Variants in OR2V1 observed in about 807,000 individuals in gnomAD.
OR2V1 encodes olfactory receptor 2V1.
Under a neutral mutation model 15.0 loss-of-function variants are expected in OR2V1, and 18 were observed. That is an observed-to-expected ratio of 1.20 (90% CI 0.83 to 1.78). The LOEUF (loss-of-function observed/expected upper bound fraction) is 1.78, where lower values mean the gene tolerates loss of function less well. OR2V1 is among the 40% of genes most tolerant of loss of function. OR2V1 has a pLI of 0.00. For synonymous variants in OR2V1, 144 were observed against 146.1 expected, an observed-to-expected ratio of 0.99 and a Z score of 0.10; for missense variants, 359 against 392.9, an observed-to-expected ratio of 0.91 and a Z score of 0.73.
rs1252933493 is a variant in OR2V1 at position 181,125,158 on chromosome 5, G to A, written c.147C>T (p.Leu49=). 2 of 1,614,008 alleles carry A rather than the reference G, an allele frequency of 1.2e-6. No homozygotes were observed. The highest frequency in any genetic ancestry group is 2.7e-5 in the African/African-American group (2 of 74,872). ...TGTGAAGTCCAGCGTCCAGGTAGAT[G>A]AGGAAGATGAGGAGGACATTCCCAC... ...ALCGNVLLIF[L]IYLDAGLHTP... is the part of the protein sequence containing the mutation. The change falls in exon 4 of 4, where the codon CTC becomes CTT. Residue 49 remains leucine (L), a synonymous_variant. Coordinates refer to ENST00000641551, the MANE Select transcript of OR2V1 (RefSeq NM_001258283.2).
chr5:181,128,622 G>C (rs903978616), intron 3 of OR2V1, among the ~76,000 whole-genome samples: 4 of 152,150 alleles, frequency 2.6e-5, no homozygotes, highest in Non-Finnish European at 2.9e-5. Context: ...TCTCACCTCC[G>C]TGCAGAAGGC....
chr5:181,124,777 A>T lies in OR2V1; in HGVS notation c.528T>A (p.Asp176Glu). Residue 176 changes from aspartate (D) to glutamate (E), a missense_variant, in exon 4 of 4, where the codon GAT becomes GAA. By Grantham distance (45) the Asp-to-Glu change is conservative. Coordinates refer to ENST00000641551, the MANE Select transcript of OR2V1 (RefSeq NM_001258283.2). ...AAGCTTGTACCTCACAGAAAAAGTG[A>T]TCCACGCTCCTTGAGCCACAGTAAG... The part of the protein sequence containing the change: ...GLPYCGSRSV[D>E]HFFCEVQALL... 6.2e-7 allele frequency: 1 copy of T among 1,600,374 alleles called. No homozygotes were observed. Among genetic ancestry groups the T allele is most frequent in the Non-Finnish European group, 8.5e-7 (1 of 1,175,190 alleles).
At chr5:181,126,457 C>CACAG (rs1554095046) in intron 3 of OR2V1, among the ~76,000 whole-genome samples, 1 of 126,116 alleles carries the variant, frequency 7.9e-6, no homozygotes, top group African/African-American at 2.8e-5. Context: ...CACACACACA[C>CACAG]AGAGACACAC....
intron 3 of OR2V1, among the ~76,000 whole-genome samples, chr5:181,126,579 G>A (rs1420093430): frequency 6.6e-6 from 1 of 151,260 alleles, no homozygotes; most frequent in Non-Finnish European, 1.5e-5. Flanking sequence ...TACACATGCA[G>A]AAACACATAG....
intron 3 of OR2V1, among the ~76,000 whole-genome samples, chr5:181,128,165 G>A (rs549740601): frequency 4.0e-5 from 6 of 150,688 alleles, no homozygotes; most frequent in Non-Finnish European, 8.9e-5. Flanking sequence ...CACAACACTC[G>A]CATCATCCTG....
intron 3 of OR2V1, among the ~76,000 whole-genome samples, chr5:181,128,674 C>T (rs1343491334): frequency 2.0e-5 from 3 of 152,154 alleles, no homozygotes; most frequent in East Asian, 1.9e-4. Flanking sequence ...ACCTCCTCCT[C>T]GCCTTCTCAG....
In OR2V1 at chr5:181,125,231, T is replaced by C; in HGVS notation, c.74A>G (p.Asp25Gly). 1 of 1,614,048 alleles carries C rather than the reference T, an allele frequency of 6.2e-7. No homozygotes were observed. The highest frequency in any genetic ancestry group is 1.3e-5 in the African/African-American group (1 of 75,038). The change falls in exon 4 of 4, where the codon GAC becomes GGC. Residue 25 changes from aspartate (D) to glycine (G), a missense_variant. Transcript: ENST00000641551. ...CATAACTGCAGAGAAGAGGACAAGG[T>C]CAGTCTGGCTGTGGGAAAAGATGCC... ...LLGIFSHSQT[D>G]LVLFSAVMVV...
Position 181,130,135 on chromosome 5 carries a change from G to T in OR2V1, c.-78+38C>A, listed in dbSNP as rs1166256153. ...CAGCAATGGGAGCAGGAGCTGCAGG[G>T]AAGAGAGAGGGGACGACAGGACAAG... is the stretch of plus-strand genomic sequence containing the variant. On this transcript the variant is annotated intron_variant, in intron 2 of 3. Coordinates refer to ENST00000641551, the MANE Select transcript of OR2V1 (RefSeq NM_001258283.2). 8 of 398,850 alleles carry T rather than the reference G, an allele frequency of 2.0e-5. No individual in the cohort carries two copies. In the South Asian group the frequency reaches 8.9e-4, roughly 44 times the overall value. 24.7% of individuals were successfully genotyped at this position (398,850 alleles called of 1,614,324 possible).
intron 3 of OR2V1, 87 bp from the exon 4 acceptor site, chr5:181,125,412 G>C (rs7724668): frequency 0.62 from 591,140 of 958,462 alleles, 185,243 homozygotes; most frequent in African/African-American, 0.81. Context: ...TGCTCTGAGA[G>C]ATGCAGGAGG....
intron 3 of OR2V1, among the ~76,000 whole-genome samples, chr5:181,126,894 G>A (rs1762880817): frequency 6.6e-6 from 1 of 152,286 alleles, no homozygotes; most frequent in South Asian, 2.1e-4. Context: ...CAGAGCTTCC[G>A]GGGGTCTCCT....
chr5:181,129,949 G>C (rs1762939282), intron 2 of OR2V1, among the ~76,000 whole-genome samples: 2 of 152,222 alleles, frequency 1.3e-5, no homozygotes, highest in African/African-American at 2.4e-5. Context: ...AGAGAGAGAG[G>C]TGGGTCAAAG....
At chr5:181,128,208 A>G (rs1762906396) in intron 3 of OR2V1, among the ~76,000 whole-genome samples, 1 of 150,486 alleles carries the variant, frequency 6.6e-6, no homozygotes. Context: ...ACACACACAC[A>G]CACACACACA....
chr5:181,129,144 A>G (rs1450877939), intron 3 of OR2V1, among the ~76,000 whole-genome samples: 1 of 152,136 alleles, frequency 6.6e-6, no homozygotes, highest in Non-Finnish European at 1.5e-5. Context: ...AGGTGGAAGG[A>G]TCGTTTGAGC....
intron 1 of OR2V1, among the ~76,000 whole-genome samples, chr5:181,130,821 G>GC (rs202050581): frequency 0.013 from 2,025 of 152,278 alleles, 27 homozygotes; most frequent in Middle Eastern, 0.027. Flanking sequence ...GCCCTACATT[G>GC]CCCCCCCACA....
At chr5:181,125,553 G>A (rs1762862648) in intron 3 of OR2V1, among the ~76,000 whole-genome samples, 2 of 152,194 alleles carry the variant, frequency 1.3e-5, no homozygotes, top group South Asian at 2.1e-4. Flanking sequence ...AGGACTGTTG[G>A]ACAATTCTCT....
intron 3 of OR2V1, among the ~76,000 whole-genome samples, chr5:181,128,692 T>G (rs1276963219): frequency 1.3e-5 from 2 of 152,174 alleles, no homozygotes; most frequent in Non-Finnish European, 2.9e-5. Flanking sequence ...CAGCAAAGCC[T>G]TCCCTCAGCA....
intron 3 of OR2V1, 55 bp from the exon 4 acceptor site, chr5:181,125,380 A>G (rs946281428): frequency 2.2e-6 from 3 of 1,345,270 alleles, no homozygotes; most frequent in Admixed American, 2.1e-5. Flanking sequence ...TTGTGCTCCA[A>G]ATTCTTCAGT....
rs182878101 is a variant in OR2V1, at chr5:181,130,058, A to G, written c.-78+115T>C. 515 of 397,980 alleles carry G rather than the reference A, an allele frequency of 1.3e-3. 5 individuals are homozygous for G. The highest frequency in any genetic ancestry group is 9.8e-3 in the African/African-American group (477 of 48,752). 24.7% of individuals were successfully genotyped at this position (397,980 alleles called of 1,614,324 possible). A position where few individuals can be genotyped will look rare whatever the true frequency, so the allele number is the denominator to read the frequency against. On this transcript the variant is annotated intron_variant, in intron 2 of 3. Coordinates refer to ENST00000641551, the MANE Select transcript of OR2V1 (RefSeq NM_001258283.2). ...AACAGTTACACCCTGATGGAGGCAGACAGCAGGAGGAAGAGCAAGTGCTGA... is the reference window on the plus strand; with the variant it reads ...AACAGTTACACCCTGATGGAGGCAGGCAGCAGGAGGAAGAGCAAGTGCTGA...
At chr5:181,126,600 TCACACACACAGCCATATAAACAAAGA>T (rs1762874925) in intron 3 of OR2V1, among the ~76,000 whole-genome samples, 1 of 138,816 alleles carries the variant, frequency 7.2e-6, no homozygotes, top group South Asian at 2.4e-4. Flanking sequence ...ATACACGGAG[TCACACACACAGCCATATAAACAAAGA>T]CACACACACA....
Sources: gnomAD v4.1 joint callset for allele counts (sites outside exome capture counted in the v4.1 genomes callset) on GRCh38, gnomAD v4.1.1 for gene constraint, MANE v1.5 for transcripts, NCBI Gene and HGNC (gene_info 2026-07-23, HGNC 2026-07-21) for gene names.